SPSB4: variants seen among roughly 807,000 people sequenced by gnomAD.
The protein encoded by SPSB4 is splA/ryanodine receptor domain and SOCS box containing 4.
Under a neutral mutation model 20.9 loss-of-function variants are expected in SPSB4, and 21 were observed. The ratio of observed to expected loss-of-function variants is 1.01; its 90% CI spans 0.71 to 1.45. The LOEUF (loss-of-function observed/expected upper bound fraction) is 1.45, where lower values mean the gene tolerates loss of function less well. Ranked by LOEUF, SPSB4 falls within the 40% of genes most tolerant of loss-of-function variation. SPSB4 has a pLI of 0.00. For missense variants in SPSB4, 399 were observed against 399.2 expected (o/e 1.00, Z 0.00); for synonymous variants, 207 against 183.8 (o/e 1.13, Z -1.02).
At chr3:141,109,975 CCACAGCCT>C (rs1355491035) in intron 2 of SPSB4, among the ~76,000 whole-genome samples, 1 of 152,186 alleles carries the variant, frequency 6.6e-6, no homozygotes, top group Non-Finnish European at 1.5e-5. Context: ...AATCTCCGCC[CCACAGCCT>C]CACTCCCTCC....
At position 141,066,425 on chromosome 3, in the gene SPSB4, G is replaced by T. The variant is rs376969115; in HGVS notation, c.321G>T (p.Arg107=). 3.0e-5 allele frequency: 46 copies of T among 1,517,286 alleles called. No homozygotes were observed. The African/African-American group carries it at 5.7e-4, about 19-fold the overall frequency. The allele number at this position is 1,517,286 out of a possible 1,614,324, so 94.0% of individuals were successfully genotyped here. Residue 107 remains arginine (R), a synonymous_variant, in exon 2 of 3, where the codon CGG becomes CGT. Coordinates refer to ENST00000310546, the MANE Select transcript of SPSB4 (RefSeq NM_080862.3). ...LHAWQINWPA[R]QRGTHAVVGV... is the part of the protein sequence containing the mutation. ...CCTGGCAGATCAACTGGCCGGCTCG[G>T]CAGCGCGGCACCCACGCTGTAGTTG...
chr3:141,102,195 G>A (rs944043394), intron 2 of SPSB4, among the ~76,000 whole-genome samples: 5 of 152,232 alleles, frequency 3.3e-5, no homozygotes, highest in Non-Finnish European at 7.3e-5. Context: ...TGTGGATAGA[G>A]CTGGAGTGAA....
At chr3:141,117,440 C>A (rs796310119) in intron 2 of SPSB4, among the ~76,000 whole-genome samples, 66 of 152,332 alleles carry the variant, frequency 4.3e-4, no homozygotes, top group African/African-American at 1.6e-3. Flanking sequence ...CATCTTCTGG[C>A]CAAGCTCTTT....
At chr3:141,142,222 A>G (rs1939342395) in intron 2 of SPSB4, among the ~76,000 whole-genome samples, 1 of 152,206 alleles carries the variant, frequency 6.6e-6, no homozygotes, top group Non-Finnish European at 1.5e-5. Context: ...TGTATCCAAG[A>G]GGTTTTTGTA....
At chr3:141,078,245 A>G (rs567655778) in intron 2 of SPSB4, among the ~76,000 whole-genome samples, 1 of 152,324 alleles carries the variant, frequency 6.6e-6, no homozygotes, top group African/African-American at 2.4e-5. Flanking sequence ...GGGCATGTGG[A>G]AGACACAGAT....
chr3:141,090,479 C>T (rs1296933248), intron 2 of SPSB4, among the ~76,000 whole-genome samples: 7 of 151,940 alleles, frequency 4.6e-5, no homozygotes, highest in Non-Finnish European at 1.0e-4. Context: ...TTGAGAAACT[C>T]GTGGAGAAAG....
At chr3:141,118,283 A>G (rs1938912085) in intron 2 of SPSB4, among the ~76,000 whole-genome samples, 3 of 152,196 alleles carry the variant, frequency 2.0e-5, no homozygotes, top group African/African-American at 4.8e-5. Context: ...TTGGCTGCAT[A>G]AATGTCTTCT....
intron 2 of SPSB4, among the ~76,000 whole-genome samples, chr3:141,074,995 G>C (rs1938078551): frequency 1.3e-5 from 2 of 152,212 alleles, no homozygotes; most frequent in South Asian, 4.1e-4. Context: ...GAGCTGACTG[G>C]ACCAGAGAGC....
At chr3:141,080,773 T>C (rs1938215565) in intron 2 of SPSB4, among the ~76,000 whole-genome samples, 1 of 152,210 alleles carries the variant, frequency 6.6e-6, no homozygotes, top group African/African-American at 2.4e-5. Flanking sequence ...CCCTTGGATA[T>C]TTAAGGTGTT....
chr3:141,143,110 T>C (rs1395423606), intron 2 of SPSB4, among the ~76,000 whole-genome samples: 1 of 152,164 alleles, frequency 6.6e-6, no homozygotes, highest in East Asian at 1.9e-4. Context: ...GCCACCACGC[T>C]TGGCCCCCTC....
intron 2 of SPSB4, among the ~76,000 whole-genome samples, chr3:141,139,270 G>A (rs1245853251): frequency 5.3e-5 from 8 of 152,130 alleles, no homozygotes; most frequent in Admixed American, 4.6e-4. Flanking sequence ...GCACACTGAT[G>A]GGTCTTGACT....
At chr3:141,135,718 A>G (rs2107806141) in intron 2 of SPSB4, among the ~76,000 whole-genome samples, 1 of 152,298 alleles carries the variant, frequency 6.6e-6, no homozygotes, top group East Asian at 1.9e-4. Flanking sequence ...TATATGTGCC[A>G]TATTTTCTTA....
chr3:141,078,538 G>A (rs935180962), intron 2 of SPSB4, among the ~76,000 whole-genome samples: 2 of 152,216 alleles, frequency 1.3e-5, no homozygotes, highest in Non-Finnish European at 2.9e-5. Context: ...AACAAGCTTG[G>A]GGGACCTGAA....
At position 141,147,022 on chromosome 3, in the gene SPSB4, G is replaced by A. The variant is rs1277244129; in HGVS notation, c.695-120G>A. On this transcript the variant is annotated intron_variant, in intron 2 of 2. Coordinates refer to ENST00000310546, the MANE Select transcript of SPSB4 (RefSeq NM_080862.3). Reference sequence around the variant, plus strand: ...CCAGAGAAATCTTCTCCAAGGAGAAGCCATTGACCCTGAAGGCCAGCTCAG... The same window carrying A: ...CCAGAGAAATCTTCTCCAAGGAGAAACCATTGACCCTGAAGGCCAGCTCAG... 3.7e-6 allele frequency: 5 copies of A among 1,360,676 alleles called. No individual in the cohort carries two copies. In the African/African-American group the frequency reaches 7.3e-5, roughly 20 times the overall value. 84.3% of individuals were successfully genotyped at this position (1,360,676 alleles called of 1,614,324 possible). A position where few individuals can be genotyped will look rare whatever the true frequency, so the allele number is the denominator to read the frequency against.
chr3:141,142,801 G>GTT (rs1939352436), intron 2 of SPSB4, among the ~76,000 whole-genome samples: 1 of 77,322 alleles, frequency 1.3e-5, no homozygotes, highest in Non-Finnish European at 2.8e-5. Flanking sequence ...GTCCCTCTTT[G>GTT]TCTTTTTTTT....
intron 2 of SPSB4, among the ~76,000 whole-genome samples, chr3:141,117,743 A>T (rs1342789918): frequency 1.3e-5 from 2 of 152,198 alleles, no homozygotes; most frequent in African/African-American, 2.4e-5. Flanking sequence ...TATGAGTGAG[A>T]ACATACAGTG....
In SPSB4 at chr3:141,066,087, T is replaced by C. The variant is rs6771494; in HGVS notation, c.-18T>C. The C allele has an allele frequency of 0.26, 392,765 of 1,498,206 alleles. 61,050 individuals are homozygous for C. The highest frequency in any genetic ancestry group is 0.7 in the African/African-American group (48,262 of 68,536). 92.8% of individuals were successfully genotyped at this position (1,498,206 alleles called of 1,614,324 possible). On this transcript the variant is annotated 5_prime_UTR_variant, in exon 2 of 3. Transcript: ENST00000310546. The stretch of plus-strand genomic sequence containing the variant: ...GAGGTAGCGGTGGCCTGCAGCGGCC[T>C]CCTCCCCGCAGTGAAGCATGGGCCA...
chr3:141,110,021 C>T (rs1274780990), intron 2 of SPSB4, among the ~76,000 whole-genome samples: 3 of 152,220 alleles, frequency 2.0e-5, no homozygotes, highest in African/African-American at 4.8e-5. Context: ...AGAAATGGTG[C>T]CTCCTCTGTG....
intron 2 of SPSB4, among the ~76,000 whole-genome samples, chr3:141,073,348 GT>G (rs1938041430): frequency 6.6e-6 from 1 of 152,260 alleles, no homozygotes; most frequent in African/African-American, 2.4e-5. Flanking sequence ...TTTGTTTCCA[GT>G]TTAAAATACA....
Sources: gnomAD v4.1 joint callset for allele counts (sites outside exome capture counted in the v4.1 genomes callset) on GRCh38, gnomAD v4.1.1 for gene constraint, MANE v1.5 for transcripts, NCBI Gene and HGNC (gene_info 2026-07-23, HGNC 2026-07-21) for gene names.